Variants in MCCC2 observed in about 807,000 individuals in gnomAD.
MCCC2 encodes the protein methylcrotonyl-CoA carboxylase subunit 2, also known as methylcrotonoyl-CoA carboxylase beta chain, mitochondrial.
A neutral mutation model predicts 77.2 loss-of-function variants in MCCC2; 52 were observed. The ratio of observed to expected loss-of-function variants is 0.67; its 90% CI spans 0.54 to 0.85. The LOEUF (loss-of-function observed/expected upper bound fraction) is 0.85. Among genes scored for constraint, MCCC2 ranks in the 40% least tolerant of loss-of-function variants. MCCC2 has a pLI of 0.00. For missense variants in MCCC2, 682 were observed against 703.2 expected, an observed-to-expected ratio of 0.97 and a Z score of 0.34; for synonymous variants, 253 against 248.4, an observed-to-expected ratio of 1.02 and a Z score of -0.18.
In MCCC2 at chr5:71,650,062, C is replaced by G; in HGVS notation, c.1374-7C>G. The G allele has an allele frequency of 6.2e-7, 1 of 1,607,992 alleles. No homozygotes were observed. The highest frequency in any genetic ancestry group is 1.1e-5 in the South Asian group (1 of 90,956). ...TAATTTGTTTATTCTTCCTTTTCTT[C>G]CCCCAGCCCAAGATTTCTCTACATT... On this transcript the variant is annotated splice_polypyrimidine_tract_variant and splice_region_variant and intron_variant, in intron 14 of 16. Transcript: ENST00000340941.
chr5:71,650,225 C>T (rs1198979737), intron 15 of MCCC2, 42 bp downstream of exon 15: 2 of 1,545,556 alleles, frequency 1.3e-6, no homozygotes, highest in South Asian at 2.2e-5. Context: ...TTTTGCCTCT[C>T]ACCATAAACA....
chr5:71,649,340 T>G, intron 14 of MCCC2, 87 bp downstream of exon 14: 1 of 1,255,626 alleles, frequency 8.0e-7, no homozygotes, highest in Non-Finnish European at 1.2e-6. Context: ...ATTTGAAATA[T>G]AGAATGCCAT....
chr5:71,588,685 G>A (rs1264269127), intron 1 of MCCC2, among the ~76,000 whole-genome samples: 1 of 152,212 alleles, frequency 6.6e-6, no homozygotes, highest in African/African-American at 2.4e-5. Context: ...AGTAATGGGT[G>A]AGATGAATCT....
In MCCC2 at chr5:71,658,564, G is replaced by A. The variant is rs187851137; in HGVS notation, c.*1704G>A. 9.5e-4 allele frequency: 144 copies of A among 152,300 alleles called. No homozygotes were observed. Among genetic ancestry groups the A allele is most frequent in the African/African-American group, 2.9e-3 (122 of 41,570 alleles). The allele number at this position is 152,300 out of a possible 1,614,324, so 9.4% of individuals were successfully genotyped here. A position where few individuals can be genotyped will look rare whatever the true frequency, so the allele number is the denominator to read the frequency against. ...GTACCTCCAATGTCTGGCACTTGTA[G>A]GTGCTCAAATATTCGTTGAATGAAT... On this transcript the variant is annotated 3_prime_UTR_variant, in exon 17 of 17. Transcript: ENST00000340941.
In MCCC2 at chr5:71,656,795, C is replaced by T. The variant is rs1439938160; in HGVS notation, c.1627C>T (p.Leu543Phe). The T allele has an allele frequency of 6.2e-7, 1 of 1,614,098 alleles. No homozygotes were observed. Among genetic ancestry groups the T allele is most frequent in the Admixed American group, 1.7e-5 (1 of 60,018 alleles). The change falls in exon 17 of 17, where the codon CTC becomes TTC. Residue 543 changes from leucine to phenylalanine, a missense_variant. Coordinates refer to ENST00000340941, the MANE Select transcript of MCCC2 (RefSeq NM_022132.5). ...AGCAGACACCAGACTGGTCTTGGGTCTCAGTTTTAGTGCAGCCCTCAACGC... is the reference window on the plus strand; with the variant it reads ...AGCAGACACCAGACTGGTCTTGGGTTTCAGTTTTAGTGCAGCCCTCAACGC... ...DPADTRLVLG[L>F]SFSAALNAPI... is the part of the protein sequence containing the mutation.
At chr5:71,615,263 C>G (rs528355613) in intron 6 of MCCC2, among the ~76,000 whole-genome samples, 5 of 152,328 alleles carry the variant, frequency 3.3e-5, no homozygotes, top group Admixed American at 1.3e-4. Context: ...GCCACCGCGC[C>G]CAGCCAACAT....
chr5:71,599,238 C>T (rs142906725), intron 3 of MCCC2, among the ~76,000 whole-genome samples: 2,633 of 152,112 alleles, frequency 0.017, 75 homozygotes, highest in African/African-American at 0.06. Flanking sequence ...GTTGTGGTGG[C>T]GCATGCCTGT....
At chr5:71,645,685 C>T (rs183064142) in intron 12 of MCCC2, among the ~76,000 whole-genome samples, 224 of 152,282 alleles carry the variant, frequency 1.5e-3, no homozygotes, top group Non-Finnish European at 2.4e-3. Flanking sequence ...CGCATCAGTT[C>T]TTTCTTTTCT....
At chr5:71,589,707 T>G (rs1744899502) in intron 1 of MCCC2, among the ~76,000 whole-genome samples, 1 of 152,198 alleles carries the variant, frequency 6.6e-6, no homozygotes, top group Non-Finnish European at 1.5e-5. Context: ...TGGCAGGAAT[T>G]TTATAGTGTA....
chr5:71,636,501 A>C lies in MCCC2; in HGVS notation c.999+1255A>C, dbSNP rs188611778. On this transcript the variant is annotated intron_variant, in intron 10 of 16. Coordinates refer to ENST00000340941, the MANE Select transcript of MCCC2 (RefSeq NM_022132.5). ...GGCAGGCAGATCCCTTGAGTCTAGG[A>C]GATCAGCTGGCTAACATGGTGAAAC... is the stretch of plus-strand genomic sequence containing the variant. 1.7e-3 allele frequency: 262 copies of C among 153,216 alleles called. 1 individual carries two copies. The highest frequency in any genetic ancestry group is 0.01 in the South Asian group (50 of 4,920). The allele number at this position is 153,216 out of a possible 1,614,324, so 9.5% of individuals were successfully genotyped here. A position where few individuals can be genotyped will look rare whatever the true frequency, so the allele number is the denominator to read the frequency against.
At chr5:71,604,604 A>G in intron 6 of MCCC2, 136 bp downstream of exon 6, 1 of 711,420 alleles carries the variant, frequency 1.4e-6, no homozygotes, top group South Asian at 1.6e-5. Context: ...TTTATACTTT[A>G]GGTTTTAGGG....
intron 15 of MCCC2, among the ~76,000 whole-genome samples, chr5:71,651,584 C>T (rs1171760470): frequency 6.6e-6 from 1 of 152,240 alleles, no homozygotes; most frequent in African/African-American, 2.4e-5. Context: ...ATCATCAGGT[C>T]TTCCACCTAG....
At chr5:71,627,945 G>A (rs1308379260) in intron 7 of MCCC2, among the ~76,000 whole-genome samples, 1 of 152,128 alleles carries the variant, frequency 6.6e-6, no homozygotes, top group Non-Finnish European at 1.5e-5. Context: ...CCAGGTTCAA[G>A]TGATTCTCCT....
At chr5:71,603,415 CAAAAAAAAAA>C (rs10538231) in intron 5 of MCCC2, among the ~76,000 whole-genome samples, 2 of 74,234 alleles carry the variant, frequency 2.7e-5, no homozygotes, top group African/African-American at 1.1e-4. Context: ...GAGACTGTCT[CAAAAAAAAAA>C]AAAAAAAAAA....
intron 5 of MCCC2, 102 bp downstream of exon 5, chr5:71,602,735 C>A: frequency 6.6e-7 from 1 of 1,504,852 alleles, no homozygotes; most frequent in Non-Finnish European, 9.2e-7. Flanking sequence ...TTTTATAAAC[C>A]TGTTGATTTC....
At chr5:71,623,070 C>G (rs1034431308) in intron 6 of MCCC2, among the ~76,000 whole-genome samples, 7 of 152,296 alleles carry the variant, frequency 4.6e-5, no homozygotes, top group African/African-American at 1.7e-4. Context: ...AATAGTTGAA[C>G]AGGTTAGATA....
At chr5:71,624,940 C>T (rs1211590788) in intron 6 of MCCC2, among the ~76,000 whole-genome samples, 1 of 151,942 alleles carries the variant, frequency 6.6e-6, no homozygotes, top group Non-Finnish European at 1.5e-5. Context: ...GTGATACACC[C>T]ACCCCCACCT....
chr5:71,587,419 C>T lies in MCCC2; in HGVS notation c.-7C>T. On this transcript the variant is annotated 5_prime_UTR_variant, in exon 1 of 17. Transcript: ENST00000340941. ...GTGGGCCGCTCTCTCGCTCGGTGCCCGCCGCCATGTGGGCCGTCCTGAGGT... is the reference window on the plus strand; with the variant it reads ...GTGGGCCGCTCTCTCGCTCGGTGCCTGCCGCCATGTGGGCCGTCCTGAGGT... 4 of 1,533,736 alleles carry T rather than the reference C, an allele frequency of 2.6e-6. No homozygotes were observed. In the South Asian group the frequency reaches 3.6e-5, roughly 14 times the overall value.
chr5:71,608,993 C>A (rs546577124), intron 6 of MCCC2, among the ~76,000 whole-genome samples: 1 of 151,906 alleles, frequency 6.6e-6, no homozygotes, highest in African/African-American at 2.4e-5. Context: ...CTCTGGCTGC[C>A]CTTAACATTT....
Sources: gnomAD v4.1 joint callset for allele counts (sites outside exome capture counted in the v4.1 genomes callset) on GRCh38, gnomAD v4.1.1 for gene constraint, MANE v1.5 for transcripts, NCBI Gene and HGNC (gene_info 2026-07-23, HGNC 2026-07-21) for gene names.